FHIT: variants seen among roughly 807,000 people sequenced by gnomAD.
The protein encoded by FHIT is bis(5'-adenosyl)-triphosphatase.
In FHIT, 19 loss-of-function variants were observed where a neutral mutation model predicts 17.9. The observed-to-expected ratio is 1.06, with a 90% CI of 0.74 to 1.56. FHIT has a LOEUF of 1.56. Ranked by LOEUF, FHIT falls within the 40% of genes most tolerant of loss-of-function variation. The probability of loss-of-function intolerance (pLI) is 0.00; values close to 1 mark genes in which losing one functional copy is unlikely to be tolerated. For synonymous variants in FHIT, 81 were observed against 69.7 expected (o/e 1.16, Z -0.81); for missense variants, 248 against 189.2 (o/e 1.31, Z -1.82).
At chr3:60,951,169 A>G (rs1345918707) in intron 3 of FHIT, among the ~76,000 whole-genome samples, 1 of 152,162 alleles carries the variant, frequency 6.6e-6, no homozygotes, top group Non-Finnish European at 1.5e-5. Context: ...TTATCATAAG[A>G]AAAAAATACT....
At chr3:60,284,539 T>C (rs1707625190) in intron 5 of FHIT, among the ~76,000 whole-genome samples, 1 of 152,242 alleles carries the variant, frequency 6.6e-6, no homozygotes, top group South Asian at 2.1e-4. Context: ...GAAATCATGT[T>C]ATGAAACATG....
chr3:60,499,169 G>C (rs1272695834), intron 5 of FHIT, among the ~76,000 whole-genome samples: 1 of 152,148 alleles, frequency 6.6e-6, no homozygotes, highest in East Asian at 1.9e-4. Context: ...CTTGGGGCTG[G>C]GGGATGGTGA....
intron 5 of FHIT, among the ~76,000 whole-genome samples, chr3:60,371,225 A>G (rs1293330196): frequency 6.6e-6 from 1 of 152,220 alleles, no homozygotes; most frequent in Admixed American, 6.5e-5. Flanking sequence ...TAACAAATAT[A>G]TCTTTATTCT....
intron 5 of FHIT, among the ~76,000 whole-genome samples, chr3:60,356,753 C>CAAAAAAAAAAAAAAAAAAAAA (rs57588436): frequency 1.2e-4 from 7 of 58,678 alleles, no homozygotes; most frequent in Admixed American, 2.0e-4. Context: ...AAGACAGAGA[C>CAAAAAAAAAAAAAAAAAAAAA]AAAAAAAAAA....
At chr3:60,215,681 G>A (rs1046690468) in intron 5 of FHIT, among the ~76,000 whole-genome samples, 12 of 152,138 alleles carry the variant, frequency 7.9e-5, no homozygotes, top group African/African-American at 2.9e-4. Context: ...CCTGCAATAG[G>A]CTACTTAATT....
chr3:60,200,249 G>A (rs1209599388), intron 5 of FHIT, among the ~76,000 whole-genome samples: 13 of 152,154 alleles, frequency 8.5e-5, no homozygotes, highest in Non-Finnish European at 1.6e-4. Flanking sequence ...TTACCAACAG[G>A]ACTGGGATAA....
chr3:59,935,197 T>A (rs554433944), intron 7 of FHIT, among the ~76,000 whole-genome samples: 2 of 152,264 alleles, frequency 1.3e-5, no homozygotes, highest in African/African-American at 4.8e-5. Context: ...AATGTCTCCA[T>A]CTGAAAACGT....
chr3:60,749,319 A>T (rs1250032530), intron 4 of FHIT, among the ~76,000 whole-genome samples: 1 of 151,994 alleles, frequency 6.6e-6, no homozygotes, highest in Non-Finnish European at 1.5e-5. Flanking sequence ...TTTTTTCCGC[A>T]TCTGTTGAAT....
chr3:61,124,249 A>T (rs1255318658), intron 2 of FHIT, among the ~76,000 whole-genome samples: 3 of 152,206 alleles, frequency 2.0e-5, no homozygotes, highest in Non-Finnish European at 4.4e-5. Context: ...TTGCCTATGC[A>T]TGAGTTCAGT....
At chr3:60,438,265 G>A (rs2030455917) in intron 5 of FHIT, among the ~76,000 whole-genome samples, 3 of 152,102 alleles carry the variant, frequency 2.0e-5, no homozygotes, top group South Asian at 2.1e-4. Flanking sequence ...AAAACACACC[G>A]ATGGGTGGAG....
rs181573456 is a variant in FHIT at position 60,296,869 on chromosome 3, A to C, written c.103+239991T>G. Among the ~76,000 whole-genome samples the C allele has an allele frequency of 8.2e-4, 124 of 151,618 alleles. 1 individual carries two copies. Among genetic ancestry groups the C allele is most frequent in the Non-Finnish European group, 1.5e-3 (103 of 67,866 alleles). On this transcript the variant is annotated intron_variant, in intron 5 of 9. Coordinates refer to ENST00000492590, the MANE Select transcript of FHIT (RefSeq NM_002012.4). Reference sequence around the variant, plus strand: ...GGTTAATTTTTTTTCCTAACTGTACAATTTGTTGAAAAGTCTATTCTTTCT... The same window carrying C: ...GGTTAATTTTTTTTCCTAACTGTACCATTTGTTGAAAAGTCTATTCTTTCT...
intron 5 of FHIT, among the ~76,000 whole-genome samples, chr3:60,386,452 T>C (rs1367569574): frequency 3.3e-5 from 5 of 152,314 alleles, no homozygotes; most frequent in South Asian, 4.1e-4. Flanking sequence ...AAAACATCCA[T>C]GGTTATTGCA....
At chr3:60,717,362 T>C (rs1346631714) in intron 4 of FHIT, among the ~76,000 whole-genome samples, 2 of 152,310 alleles carry the variant, frequency 1.3e-5, no homozygotes, top group African/African-American at 4.8e-5. Flanking sequence ...GATATGTTAA[T>C]TAGCTTGATT....
intron 3 of FHIT, among the ~76,000 whole-genome samples, chr3:61,039,958 C>G (rs1303607178): frequency 1.3e-5 from 2 of 152,208 alleles, no homozygotes; most frequent in Admixed American, 6.5e-5. Context: ...AGCCAGACTC[C>G]TCTTTGTAAT....
At chr3:60,125,214 G>A (rs972702800) in intron 5 of FHIT, among the ~76,000 whole-genome samples, 1 of 152,164 alleles carries the variant, frequency 6.6e-6, no homozygotes, top group African/African-American at 2.4e-5. Context: ...TTCCCACTTT[G>A]CTCTCTTACC....
chr3:59,950,527 C>T lies in FHIT; in HGVS notation c.280-28113G>A, dbSNP rs141707453. ...CACTTCTTTTAATACAGTCAGAGTA[C>T]TTGCCACTGTCTAAAAAAACTGTTT... On this transcript the variant is annotated intron_variant, in intron 7 of 9. Transcript: ENST00000492590. 3.7e-3 allele frequency among the ~76,000 whole-genome samples: 544 copies of T among 146,374 alleles called. 5 individuals are homozygous for T. Among genetic ancestry groups the T allele is most frequent in the African/African-American group, 0.013 (511 of 39,542 alleles).
At chr3:59,837,204 A>G (rs1415316418) in intron 8 of FHIT, among the ~76,000 whole-genome samples, 2 of 152,066 alleles carry the variant, frequency 1.3e-5, no homozygotes, top group African/African-American at 4.8e-5. Context: ...CCTTTCCCTG[A>G]ACCAATACAG....
At chr3:60,877,012 A>G (rs1272146509) in intron 3 of FHIT, among the ~76,000 whole-genome samples, 3 of 152,290 alleles carry the variant, frequency 2.0e-5, no homozygotes, top group East Asian at 1.9e-4. Context: ...AGTAGCCTCC[A>G]CCAACACCTT....
intron 5 of FHIT, among the ~76,000 whole-genome samples, chr3:60,475,728 A>G (rs531782112): frequency 1.5e-4 from 23 of 152,312 alleles, no homozygotes; most frequent in African/African-American, 4.8e-4. Context: ...AATACCCAAT[A>G]TCTGAAATGC....
Sources: allele counts gnomAD v4.1 joint callset (sites outside exome capture counted in the v4.1 genomes callset), GRCh38; gene constraint gnomAD v4.1.1; transcripts MANE v1.5; gene names NCBI Gene and HGNC (gene_info 2026-07-23, HGNC 2026-07-21).